Variants in HMOX2 observed in about 807,000 individuals in gnomAD.
HMOX2 encodes the protein heme oxygenase (decycling) 2.
A neutral mutation model predicts 33.7 loss-of-function variants in HMOX2; 30 were observed. The ratio of observed to expected loss-of-function variants is 0.89; its 90% CI spans 0.67 to 1.21. The LOEUF is 1.21. Among genes scored for constraint, HMOX2 ranks in the 50% most tolerant of loss-of-function variants. HMOX2 has a pLI of 0.00. For synonymous variants in HMOX2, 155 were observed against 155.0 expected (o/e 1.00, Z 0.00); for missense variants, 403 against 399.1 (o/e 1.01, Z -0.08).
intron 3 of HMOX2, 116 bp downstream of exon 3, chr16:4,507,128 A>C: frequency 1.4e-6 from 1 of 718,822 alleles, no homozygotes; most frequent in Non-Finnish European, 2.5e-6. Flanking sequence ...TTTTCTCCAC[A>C]CTCCATTCCT....
In HMOX2 at chr16:4,507,011, A is replaced by G. The variant is rs764664140; in HGVS notation, c.203A>G (p.Lys68Arg). ...LKGNIKKELF[K>R]LATTALYFTY... ...GGCAACATTAAGAAGGAGCTGTTTA[A>G]GGTTTGTGCCCCGCATTGGGTTCCA... The change falls in exon 3 of 6, where the codon AAG becomes AGG. Residue 68 changes from lysine (K) to arginine (R), a missense_variant and splice_region_variant. Lys to Arg is a conservative substitution (Grantham distance 26). Coordinates refer to ENST00000570646, the MANE Select transcript of HMOX2 (RefSeq NM_002134.4). 1.9e-6 allele frequency: 3 copies of G among 1,596,262 alleles called. No homozygotes were observed. Among genetic ancestry groups the G allele is most frequent in the Middle Eastern group, 1.7e-4 (1 of 6,032 alleles).
At chr16:4,491,148 A>C (rs1014240584) in intron 1 of HMOX2, among the ~76,000 whole-genome samples, 6 of 152,188 alleles carry the variant, frequency 3.9e-5, no homozygotes, top group African/African-American at 1.4e-4. Context: ...AAAAATGCAA[A>C]TCAGATTTGT....
Position 4,479,724 on chromosome 16 carries a change from C to A in HMOX2, c.-42+3237C>A, listed in dbSNP as rs767334445. 1.8e-3 allele frequency among the ~76,000 whole-genome samples: 169 copies of A among 93,888 alleles called. 3 individuals carry two copies. Among genetic ancestry groups the A allele is most frequent in the Admixed American group, 2.0e-3 (16 of 8,192 alleles). The allele number at this position is 93,888 out of a possible 152,430, so 61.6% of individuals were successfully genotyped here. A position where few individuals can be genotyped will look rare whatever the true frequency, so the allele number is the denominator to read the frequency against. ...GTACCCAGCCTGCCTTTTTCTTATTCTATTTTTTTTTTTTTTTTTTTTTTT... is the reference window on the plus strand; with the variant it reads ...GTACCCAGCCTGCCTTTTTCTTATTATATTTTTTTTTTTTTTTTTTTTTTT... On this transcript the variant is annotated intron_variant, in intron 1 of 5. Coordinates refer to ENST00000570646, the MANE Select transcript of HMOX2 (RefSeq NM_002134.4).
At chr16:4,504,350 T>C (rs2058634014) in intron 1 of HMOX2, among the ~76,000 whole-genome samples, 1 of 145,784 alleles carries the variant, frequency 6.9e-6, no homozygotes, top group South Asian at 2.1e-4. Flanking sequence ...TTTGGTAACT[T>C]TCAATTTTTT....
chr16:4,476,359 G>T (rs1293782620), upstream of HMOX2: 1 of 152,266 alleles, frequency 6.6e-6, no homozygotes, highest in Non-Finnish European at 1.5e-5. Context: ...GCCCCGCCCC[G>T]CGCTGCGTGC....
At chr16:4,484,455 C>G (rs1596447211) in intron 1 of HMOX2, among the ~76,000 whole-genome samples, 3 of 139,138 alleles carry the variant, frequency 2.2e-5, no homozygotes, top group Non-Finnish European at 1.6e-5. Flanking sequence ...AGTTTCTTTT[C>G]TTTTCTTTTT....
intron 1 of HMOX2, among the ~76,000 whole-genome samples, chr16:4,494,605 G>GC (rs2058376389): frequency 6.6e-6 from 1 of 152,132 alleles, no homozygotes; most frequent in African/African-American, 2.4e-5. Context: ...TGGGTGGGGT[G>GC]CAGTGGCTCA....
chr16:4,485,916 G>A (rs2058156234), intron 1 of HMOX2, among the ~76,000 whole-genome samples: 1 of 151,970 alleles, frequency 6.6e-6, no homozygotes, highest in African/African-American at 2.4e-5. Flanking sequence ...TAGAGACAAG[G>A]TTTCACCATG....
chr16:4,486,608 G>T (rs2058174989), intron 1 of HMOX2, among the ~76,000 whole-genome samples: 1 of 152,112 alleles, frequency 6.6e-6, no homozygotes, highest in Non-Finnish European at 1.5e-5. Context: ...AAGAGTAGAG[G>T]GAGCTCTGGC....
rs369822617 is a variant in HMOX2, at chr16:4,509,790, C to T, written c.*34C>T. The T allele has an allele frequency of 5.6e-5, 90 of 1,595,114 alleles. No individual in the cohort carries two copies. The highest frequency in any genetic ancestry group is 1.1e-4 in the African/African-American group (8 of 74,540). On this transcript the variant is annotated 3_prime_UTR_variant, in exon 6 of 6. Coordinates refer to ENST00000570646, the MANE Select transcript of HMOX2 (RefSeq NM_002134.4). ...TCATGCCACACCGGTACCCTCCTCC[C>T]GACTGACCACTGGCCTACCCCTTTC...
intron 1 of HMOX2, among the ~76,000 whole-genome samples, chr16:4,487,370 A>G (rs2058195140): frequency 6.6e-6 from 1 of 152,162 alleles, no homozygotes; most frequent in East Asian, 1.9e-4. Context: ...CCTGACCTCT[A>G]AAACTACAAA....
chr16:4,497,590 C>G (rs2058453229), intron 1 of HMOX2, among the ~76,000 whole-genome samples: 1 of 152,128 alleles, frequency 6.6e-6, no homozygotes, highest in East Asian at 1.9e-4. Context: ...CGATTCCAGG[C>G]CCCTTCTTTG....
At chr16:4,482,456 G>T (rs1210539378) in intron 1 of HMOX2, among the ~76,000 whole-genome samples, 1 of 152,064 alleles carries the variant, frequency 6.6e-6, no homozygotes, top group East Asian at 1.9e-4. Flanking sequence ...TTCTCTAGTA[G>T]ACACACCGGT....
intron 2 of HMOX2, 89 bp downstream of exon 2, chr16:4,505,699 G>A: frequency 1.0e-6 from 1 of 960,996 alleles, no homozygotes; most frequent in Admixed American, 2.3e-5. Flanking sequence ...GGCAGCACTG[G>A]GGAGTGGCCA....
chr16:4,495,422 G>A (rs1255049038), intron 1 of HMOX2: 1 of 152,280 alleles, frequency 6.6e-6, no homozygotes, highest in Non-Finnish European at 1.5e-5. Context: ...CATATGTGGA[G>A]TTACTGGTTC....
intron 1 of HMOX2, among the ~76,000 whole-genome samples, chr16:4,493,269 C>T (rs575631855): frequency 6.6e-6 from 1 of 152,250 alleles, no homozygotes; most frequent in Admixed American, 6.5e-5. Context: ...TTGCCCAGGT[C>T]AGTCTCAAAC....
chr16:4,484,783 G>A (rs1322047777), intron 1 of HMOX2, among the ~76,000 whole-genome samples: 2 of 152,036 alleles, frequency 1.3e-5, no homozygotes, highest in Non-Finnish European at 2.9e-5. Flanking sequence ...ATAAAATGGT[G>A]TATAGAATTT....
chr16:4,479,939 A>G lies in HMOX2; in HGVS notation c.-42+3452A>G, dbSNP rs149495124. On this transcript the variant is annotated intron_variant, in intron 1 of 5. Transcript: ENST00000570646. Reference sequence around the variant, plus strand: ...TTTTTAGTAGAGATGAGGTTTCACTATGTTGGCCGGGCTGGTCTCCTACTC... The same window carrying G: ...TTTTTAGTAGAGATGAGGTTTCACTGTGTTGGCCGGGCTGGTCTCCTACTC... Among the ~76,000 whole-genome samples, 778 of 151,620 alleles carry G rather than the reference A, an allele frequency of 5.1e-3. 8 individuals are homozygous for G. Among genetic ancestry groups the G allele is most frequent in the African/African-American group, 0.017 (682 of 41,270 alleles).
upstream of HMOX2, among the ~76,000 whole-genome samples, chr16:4,475,740 C>G (rs1018021575): frequency 1.3e-5 from 2 of 151,718 alleles, no homozygotes; most frequent in African/African-American, 4.8e-5. Context: ...GAGTTCGAGA[C>G]CAGCCTGGCC....
Sources: gnomAD v4.1 joint callset for allele counts (sites outside exome capture counted in the v4.1 genomes callset) on GRCh38, gnomAD v4.1.1 for gene constraint, MANE v1.5 for transcripts, NCBI Gene and HGNC (gene_info 2026-07-23, HGNC 2026-07-21) for gene names.